Variants in TAOK3 observed in about 807,000 individuals in gnomAD.
TAOK3 encodes serine/threonine-protein kinase TAO3.
A neutral mutation model predicts 120.4 loss-of-function variants in TAOK3; 40 were observed. The observed-to-expected ratio is 0.33, with a 90% confidence interval of 0.26 to 0.43. TAOK3 has a LOEUF of 0.43. TAOK3 is among the 20% of genes least tolerant of loss of function. TAOK3 has a pLI of 1.00. For missense variants in TAOK3, 821 were observed against 1,112.1 expected, an observed-to-expected ratio of 0.74 and a Z score of 3.72; for synonymous variants, 355 against 387.5, an observed-to-expected ratio of 0.92 and a Z score of 0.99.
chr12:118,159,522 C>T (rs1399578208), intron 19 of TAOK3, among the ~76,000 whole-genome samples: 6 of 152,064 alleles, frequency 3.9e-5, no homozygotes, highest in African/African-American at 1.2e-4. Flanking sequence ...AGCCTGGTTT[C>T]GAACTCCTGA....
intron 1 of TAOK3, among the ~76,000 whole-genome samples, chr12:118,336,959 C>T (rs543752693): frequency 3.9e-5 from 6 of 152,146 alleles, no homozygotes; most frequent in Non-Finnish European, 8.8e-5. Flanking sequence ...ACTGGGGAGG[C>T]GGAGGCATGA....
intron 3 of TAOK3, chr12:118,246,357 G>C: frequency 1.2e-6 from 2 of 1,603,196 alleles, no homozygotes; most frequent in Non-Finnish European, 1.7e-6. Context: ...TAAGGAATCA[G>C]AGATCATTGA....
intron 1 of TAOK3, chr12:118,297,090 A>G (rs1309762857): frequency 6.6e-6 from 1 of 152,138 alleles, no homozygotes; most frequent in African/African-American, 2.4e-5. Context: ...CTTCTTCCGC[A>G]TGATTAATAA....
intron 1 of TAOK3, among the ~76,000 whole-genome samples, chr12:118,355,073 TAAATA>T (rs1020549600): frequency 6.6e-6 from 1 of 152,032 alleles, no homozygotes; most frequent in African/African-American, 2.4e-5. Context: ...CCAAAATAAA[TAAATA>T]AAATAAAACT....
intron 1 of TAOK3, among the ~76,000 whole-genome samples, chr12:118,357,300 C>T (rs983383767): frequency 1.4e-4 from 22 of 152,326 alleles, no homozygotes; most frequent in African/African-American, 4.3e-4. Flanking sequence ...AAATTGTCCA[C>T]ATGTGATGGG....
chr12:118,168,779 A>T (rs1230034220), intron 17 of TAOK3, among the ~76,000 whole-genome samples: 2 of 152,188 alleles, frequency 1.3e-5, no homozygotes, highest in Non-Finnish European at 2.9e-5. Flanking sequence ...ACTTTTATTG[A>T]CATGAATTGT....
intron 1 of TAOK3, among the ~76,000 whole-genome samples, chr12:118,343,167 C>T (rs1012370999): frequency 6.6e-6 from 1 of 151,962 alleles, no homozygotes; most frequent in African/African-American, 2.4e-5. Context: ...GTGGCTCATG[C>T]CTGCAATCCC....
In TAOK3 at chr12:118,150,856, C is replaced by T; in HGVS notation, c.*141G>A. On this transcript the variant is annotated 3_prime_UTR_variant, in exon 21 of 21. Transcript: ENST00000392533. ...GGAGTAAGAATAAACAGGCACTAGT[C>T]CGACACGATGTCAGTAAGAGTAAGA... 1 of 944,140 alleles carries T rather than the reference C, an allele frequency of 1.1e-6. No homozygotes were observed. Among genetic ancestry groups the T allele is most frequent in the Non-Finnish European group, 1.5e-6 (1 of 653,204 alleles). 58.5% of individuals were successfully genotyped at this position (944,140 alleles called of 1,614,324 possible). A position where few individuals can be genotyped will look rare whatever the true frequency, so the allele number is the denominator to read the frequency against.
intron 3 of TAOK3, among the ~76,000 whole-genome samples, chr12:118,252,704 T>C (rs1251918208): frequency 2.0e-5 from 3 of 151,352 alleles, no homozygotes; most frequent in African/African-American, 7.3e-5. Context: ...ACTAAGAAAT[T>C]AGCACCCTTT....
intron 16 of TAOK3, among the ~76,000 whole-genome samples, chr12:118,176,529 A>G (rs1463093168): frequency 6.6e-6 from 1 of 152,186 alleles, no homozygotes; most frequent in Admixed American, 6.6e-5. Flanking sequence ...ATACATAGGA[A>G]GAAGACAAGA....
chr12:118,213,874 G>T, intron 10 of TAOK3, 143 bp downstream of exon 10: 1 of 701,418 alleles, frequency 1.4e-6, no homozygotes, highest in Admixed American at 2.7e-5. Context: ...GTTGATGCTT[G>T]TGAGGCATCA....
chr12:118,295,775 C>T (rs2042658010), intron 1 of TAOK3, among the ~76,000 whole-genome samples: 1 of 152,194 alleles, frequency 6.6e-6, no homozygotes. Context: ...TTTAAAAAAT[C>T]TGTGCCCATT....
chr12:118,358,916 T>C (rs1233514332), intron 1 of TAOK3: 1 of 152,182 alleles, frequency 6.6e-6, no homozygotes, highest in Non-Finnish European at 1.5e-5. Flanking sequence ...CAATGACACT[T>C]ACTCACAGTA....
chr12:118,317,265 CAAAA>C (rs970730677), intron 1 of TAOK3, among the ~76,000 whole-genome samples: 1 of 63,628 alleles, frequency 1.6e-5, no homozygotes, highest in African/African-American at 5.5e-5. Flanking sequence ...AAGTTTGTCT[CAAAA>C]AAAAAAAAAA....
chr12:118,193,724 C>T (rs539043562), intron 13 of TAOK3, among the ~76,000 whole-genome samples: 5 of 152,202 alleles, frequency 3.3e-5, no homozygotes, highest in Non-Finnish European at 7.3e-5. Flanking sequence ...GCTGGAATTA[C>T]AGGCGTGAGC....
chr12:118,231,057 A>G (rs2039757431), intron 9 of TAOK3, among the ~76,000 whole-genome samples: 1 of 152,184 alleles, frequency 6.6e-6, no homozygotes, highest in Admixed American at 6.5e-5. Flanking sequence ...TAGAAAACAG[A>G]TCTCCAAGAT....
rs552520159 is a variant in TAOK3 at position 118,208,857 on chromosome 12, G to A, written c.819+4057C>T. Reference sequence around the variant, plus strand: ...TTCCCGAGTAGCTGGGATTATCGACGCATGCCACCATGCCCAGCTAATTTT... The same window carrying A: ...TTCCCGAGTAGCTGGGATTATCGACACATGCCACCATGCCCAGCTAATTTT... On this transcript the variant is annotated intron_variant, in intron 11 of 20. Transcript: ENST00000392533. Among the ~76,000 whole-genome samples the A allele has an allele frequency of 7.9e-5, 12 of 152,084 alleles. No individual in the cohort carries two copies. The South Asian group carries it at 1.2e-3, about 16-fold the overall frequency.
Position 118,317,549 on chromosome 12 carries a change from G to A in TAOK3, c.-193-50790C>T, listed in dbSNP as rs919696577. 1.3e-4 allele frequency among the ~76,000 whole-genome samples: 19 copies of A among 151,878 alleles called. No individual in the cohort carries two copies. In the East Asian group the frequency reaches 2.5e-3, roughly 20 times the overall value. On this transcript the variant is annotated intron_variant, in intron 1 of 20. Coordinates refer to ENST00000392533, the MANE Select transcript of TAOK3 (RefSeq NM_016281.4). ...CCTGACCTCGTGATCCACCTGCCTC[G>A]GCCTCCCAAAGTGCTAGGATTACAG...
chr12:118,189,433 A>C (rs1273972141), intron 14 of TAOK3, among the ~76,000 whole-genome samples: 1 of 152,090 alleles, frequency 6.6e-6, no homozygotes, highest in Non-Finnish European at 1.5e-5. Flanking sequence ...ATTTATTTCA[A>C]TGAAAAGACA....
Sources: allele counts gnomAD v4.1 joint callset (sites outside exome capture counted in the v4.1 genomes callset), GRCh38; gene constraint gnomAD v4.1.1; transcripts MANE v1.5; gene names NCBI Gene and HGNC (gene_info 2026-07-23, HGNC 2026-07-21).